GRM3: variants seen among roughly 807,000 people sequenced by gnomAD.
The protein encoded by GRM3 is metabotropic glutamate receptor 3.
GRM3 carries 26 observed loss-of-function variants against 70.5 expected under a neutral mutation model. That is an observed-to-expected ratio of 0.37 (90% confidence interval 0.27 to 0.51). The LOEUF (loss-of-function observed/expected upper bound fraction) is 0.51. Among genes scored for constraint, GRM3 ranks in the 20% least tolerant of loss-of-function variants. The pLI, the probability that GRM3 is intolerant of heterozygous loss-of-function variation, is 0.93. For synonymous variants in GRM3, 443 were observed against 434.9 expected (o/e 1.02, Z -0.23); for missense variants, 859 against 1,123.8 (o/e 0.76, Z 3.37).
chr7:86,769,567 C>G (rs1017317347), intron 2 of GRM3, among the ~76,000 whole-genome samples: 1 of 152,128 alleles, frequency 6.6e-6, no homozygotes, highest in Non-Finnish European at 1.5e-5. Context: ...TTCTTATCTT[C>G]CCACTAAAGG....
At position 86,819,528 on chromosome 7, in the gene GRM3, G is replaced by A. The variant is rs145104854; in HGVS notation, c.1325-19311G>A. On this transcript the variant is annotated intron_variant, in intron 3 of 5. Transcript: ENST00000361669. ...AGAAAGGTACTGAAAACTGGCCACT[G>A]TAGCAGCAACAATCAGAGATGGAGA... Among the ~76,000 whole-genome samples, 213 of 152,198 alleles carry A rather than the reference G, an allele frequency of 1.4e-3. 2 individuals carry two copies. The highest frequency in any genetic ancestry group is 4.8e-3 in the African/African-American group (200 of 41,554).
In GRM3 at chr7:86,644,471, AAGG is replaced by A; in HGVS notation, c.-535_-533del. On this transcript the variant is annotated 5_prime_UTR_variant, in exon 1 of 6. Coordinates refer to ENST00000361669, the MANE Select transcript of GRM3 (RefSeq NM_000840.3). ...AGGAAGTGGGTTTGCCTGATAAGAG[AAGG>A]AGGAGGGGACTCGGCTGGGAAGAGC... 1 of 348,246 alleles carries A rather than the reference AAGG, an allele frequency of 2.9e-6. No homozygotes were observed. The highest frequency in any genetic ancestry group is 8.2e-5 in the East Asian group (1 of 12,246). 21.6% of individuals were successfully genotyped at this position (348,246 alleles called of 1,614,324 possible).
intron 1 of GRM3, among the ~76,000 whole-genome samples, chr7:86,700,511 T>A (rs897116243): frequency 3.9e-5 from 6 of 151,970 alleles, no homozygotes; most frequent in African/African-American, 1.2e-4. Flanking sequence ...TTTTTCACTG[T>A]AATTTGCACT....
chr7:86,746,714 T>C (rs972465903), intron 1 of GRM3, among the ~76,000 whole-genome samples: 1 of 152,048 alleles, frequency 6.6e-6, no homozygotes, highest in African/African-American at 2.4e-5. Flanking sequence ...ACGGGGCTTA[T>C]ATATCACTTC....
At chr7:86,682,401 G>A (rs1005698316) in intron 1 of GRM3, among the ~76,000 whole-genome samples, 2 of 152,084 alleles carry the variant, frequency 1.3e-5, no homozygotes, top group African/African-American at 2.4e-5. Flanking sequence ...AGGGTTCCAA[G>A]TCTATGTACC....
chr7:86,811,570 C>A (rs1797909364), intron 3 of GRM3, among the ~76,000 whole-genome samples: 1 of 151,678 alleles, frequency 6.6e-6, no homozygotes, highest in South Asian at 2.1e-4. Flanking sequence ...CTAAACTGTG[C>A]CCTTGTTGTA....
At chr7:86,847,427 G>A (rs1190546609) in intron 4 of GRM3, among the ~76,000 whole-genome samples, 4 of 152,124 alleles carry the variant, frequency 2.6e-5, no homozygotes, top group Admixed American at 2.0e-4. Context: ...ACATTATTAC[G>A]ATATGCCTAT....
chr7:86,806,074 G>A (rs1292520509), intron 3 of GRM3, among the ~76,000 whole-genome samples: 2 of 152,132 alleles, frequency 1.3e-5, no homozygotes, highest in Non-Finnish European at 2.9e-5. Flanking sequence ...CAAAGGACAT[G>A]AACTCATCCT....
intron 1 of GRM3, among the ~76,000 whole-genome samples, chr7:86,706,669 T>C (rs185315363): frequency 6.6e-6 from 1 of 151,922 alleles, no homozygotes; most frequent in East Asian, 1.9e-4. Context: ...TGCACAGTTG[T>C]TGAATGAGGG....
At chr7:86,672,371 G>A (rs1338242370) in intron 1 of GRM3, among the ~76,000 whole-genome samples, 1 of 152,070 alleles carries the variant, frequency 6.6e-6, no homozygotes, top group Non-Finnish European at 1.5e-5. Context: ...AGATAAATGG[G>A]CAATAAAAGT....
intron 1 of GRM3, among the ~76,000 whole-genome samples, chr7:86,685,050 A>T (rs1418622714): frequency 1.3e-5 from 2 of 152,228 alleles, no homozygotes; most frequent in Non-Finnish European, 2.9e-5. Context: ...GTTTTCTTAT[A>T]GATTGAAAAT....
chr7:86,681,667 G>T (rs1794444744), intron 1 of GRM3, among the ~76,000 whole-genome samples: 1 of 151,984 alleles, frequency 6.6e-6, no homozygotes, highest in Non-Finnish European at 1.5e-5. Flanking sequence ...AACGTCTCTG[G>T]TATATATTTG....
chr7:86,741,795 G>A lies in GRM3; in HGVS notation c.-140-23211G>A, dbSNP rs1584207110. Among the ~76,000 whole-genome samples, 2 of 152,170 alleles carry A rather than the reference G, an allele frequency of 1.3e-5. 1 individual carries two copies. ...AATTGCTGGATTAGATGATTGCTAA[G>A]GACCATTTTTGTTGCATATGTTTTG... On this transcript the variant is annotated intron_variant, in intron 1 of 5. Transcript: ENST00000361669.
intron 1 of GRM3, among the ~76,000 whole-genome samples, chr7:86,660,779 T>G (rs1196724548): frequency 2.0e-5 from 3 of 152,122 alleles, no homozygotes; most frequent in African/African-American, 7.2e-5. Context: ...TAAAGCATAC[T>G]CAAATTGGAT....
intron 1 of GRM3, among the ~76,000 whole-genome samples, chr7:86,695,115 C>T (rs1466032643): frequency 4.6e-5 from 7 of 152,100 alleles, no homozygotes; most frequent in Admixed American, 4.6e-4. Flanking sequence ...CTTCAATTAC[C>T]TTCCTGATTT....
At position 86,779,229 on chromosome 7, in the gene GRM3, G is replaced by T. The variant is rs528104936; in HGVS notation, c.469-7032G>T. The stretch of plus-strand genomic sequence containing the variant: ...CTAAAGCAAGAATAAGGGAGCAAGT[G>T]GTGTGAGTTGATTCCTGAAGGTCTA... On this transcript the variant is annotated intron_variant, in intron 2 of 5. Transcript: ENST00000361669. Among the ~76,000 whole-genome samples, 7 of 152,210 alleles carry T rather than the reference G, an allele frequency of 4.6e-5. No individual in the cohort carries two copies. The East Asian group carries it at 1.4e-3, about 29-fold the overall frequency.
At chr7:86,697,146 A>G (rs943328518) in intron 1 of GRM3, among the ~76,000 whole-genome samples, 9 of 152,190 alleles carry the variant, frequency 5.9e-5, no homozygotes, top group African/African-American at 1.9e-4. Context: ...AAAGAGAAAC[A>G]AATAGGGAGG....
At chr7:86,660,911 T>C (rs1793875873) in intron 1 of GRM3, among the ~76,000 whole-genome samples, 1 of 151,980 alleles carries the variant, frequency 6.6e-6, no homozygotes, top group Non-Finnish European at 1.5e-5. Context: ...CAGGTGTTAA[T>C]TGAGCACACA....
At chr7:86,756,695 T>C (rs1796352538) in intron 1 of GRM3, among the ~76,000 whole-genome samples, 1 of 152,160 alleles carries the variant, frequency 6.6e-6, no homozygotes, top group African/African-American at 2.4e-5. Flanking sequence ...TTTATTTATA[T>C]TTATCCTGCT....
Sources: gnomAD v4.1 joint callset for allele counts (sites outside exome capture counted in the v4.1 genomes callset) on GRCh38, gnomAD v4.1.1 for gene constraint, MANE v1.5 for transcripts, NCBI Gene and HGNC (gene_info 2026-07-23, HGNC 2026-07-21) for gene names.